ANAPC10: variants seen among roughly 807,000 people sequenced by gnomAD.
ANAPC10 encodes the protein anaphase promoting complex subunit 10.
In ANAPC10, 12 loss-of-function variants were observed where a neutral mutation model predicts 22.0. That is an observed-to-expected ratio of 0.55 (90% CI 0.35 to 0.88). The LOEUF (loss-of-function observed/expected upper bound fraction) is 0.88. Among genes scored for constraint, ANAPC10 ranks in the 40% least tolerant of loss-of-function variants. The pLI is 0.01. For synonymous variants in ANAPC10, 65 were observed against 69.5 expected (o/e 0.94, Z 0.32); for missense variants, 188 against 220.9 (o/e 0.85, Z 0.94).
At chr4:145,007,590 C>T (rs535875725) in intron 4 of ANAPC10, among the ~76,000 whole-genome samples, 3 of 151,952 alleles carry the variant, frequency 2.0e-5, no homozygotes, top group African/African-American at 7.3e-5. Context: ...GGGTACATAA[C>T]GAAATGAAAG....
At chr4:145,079,052 A>G (rs907516900) in intron 3 of ANAPC10, among the ~76,000 whole-genome samples, 1 of 152,220 alleles carries the variant, frequency 6.6e-6, no homozygotes, top group African/African-American at 2.4e-5. Context: ...ATTAAACCAA[A>G]GAGCTTCAGC....
intron 4 of ANAPC10, among the ~76,000 whole-genome samples, chr4:145,015,842 C>G (rs967209831): frequency 5.9e-5 from 9 of 152,196 alleles, no homozygotes; most frequent in Non-Finnish European, 1.2e-4. Flanking sequence ...AACTAAGCAT[C>G]AAATATGAAG....
chr4:145,089,819 G>A lies in ANAPC10; in HGVS notation c.115+6166C>T, dbSNP rs148212153. On this transcript the variant is annotated intron_variant, in intron 2 of 4. Transcript: ENST00000507656. ...TATCACTTCCTATCTGATTTATCGC[G>A]TCTCCTGATTTCCTTTTTATTTCTA... Among the ~76,000 whole-genome samples the A allele has an allele frequency of 6.1e-3, 927 of 152,070 alleles. 10 individuals are homozygous for A. Among genetic ancestry groups the A allele is most frequent in the African/African-American group, 0.022 (894 of 41,490 alleles).
At chr4:145,008,616 G>A (rs777639824) in intron 4 of ANAPC10, among the ~76,000 whole-genome samples, 12 of 152,092 alleles carry the variant, frequency 7.9e-5, no homozygotes, top group Non-Finnish European at 1.8e-4. Flanking sequence ...TGCAGAAAAG[G>A]CCTTTGACAA....
chr4:145,039,929 G>A (rs1406634717), intron 4 of ANAPC10, among the ~76,000 whole-genome samples: 5 of 151,946 alleles, frequency 3.3e-5, no homozygotes, highest in Admixed American at 6.6e-5. Context: ...TTAGATACTA[G>A]AAATCTGAGG....
intron 2 of ANAPC10, among the ~76,000 whole-genome samples, chr4:145,082,155 TTA>T (rs751562278): frequency 2.0e-5 from 3 of 152,174 alleles, no homozygotes; most frequent in Admixed American, 6.5e-5. Context: ...CTAGGAGATA[TTA>T]TATTTTTTTG....
intron 2 of ANAPC10, among the ~76,000 whole-genome samples, chr4:145,086,242 C>T (rs995035161): frequency 6.6e-6 from 1 of 152,176 alleles, no homozygotes. Flanking sequence ...AGATTACTGG[C>T]ATGAGCCACC....
chr4:145,070,901 ATAT>A (rs1434934779), intron 3 of ANAPC10, among the ~76,000 whole-genome samples: 5 of 152,252 alleles, frequency 3.3e-5, no homozygotes, highest in South Asian at 2.1e-4. Context: ...CAAAGGACAA[ATAT>A]TATATAATTC....
At chr4:145,095,468 T>C (rs554288685) in intron 2 of ANAPC10, among the ~76,000 whole-genome samples, 30 of 152,326 alleles carry the variant, frequency 2.0e-4, no homozygotes, top group Non-Finnish European at 4.1e-4. Flanking sequence ...ATCAACATCA[T>C]CTGCTCCTGA....
chr4:145,053,384 G>A (rs1410736782), intron 4 of ANAPC10, among the ~76,000 whole-genome samples: 1 of 152,120 alleles, frequency 6.6e-6, no homozygotes, highest in Non-Finnish European at 1.5e-5. Context: ...CTTTTCTCAT[G>A]GTAAGTGCTT....
chr4:145,009,952 CAAAGAACTT>C (rs1734026349), intron 4 of ANAPC10, among the ~76,000 whole-genome samples: 1 of 152,060 alleles, frequency 6.6e-6, no homozygotes, highest in African/African-American at 2.4e-5. Context: ...CCAGAATCTA[CAAAGAACTT>C]AAACAAATTT....
intron 4 of ANAPC10, among the ~76,000 whole-genome samples, chr4:145,004,205 G>A (rs778478473): frequency 6.6e-5 from 10 of 152,068 alleles, no homozygotes; most frequent in Non-Finnish European, 1.3e-4. Context: ...CTGAAACTTT[G>A]TTGAAGTCAT....
chr4:145,071,301 G>C (rs762840074), intron 3 of ANAPC10, among the ~76,000 whole-genome samples: 1 of 152,196 alleles, frequency 6.6e-6, no homozygotes, highest in African/African-American at 2.4e-5. Context: ...AGCTACTTGG[G>C]AGGCTGAGGC....
chr4:145,076,581 T>G (rs776467941), intron 3 of ANAPC10, among the ~76,000 whole-genome samples: 3 of 152,216 alleles, frequency 2.0e-5, no homozygotes, highest in Non-Finnish European at 4.4e-5. Flanking sequence ...TGCCCAGCAA[T>G]GGTTCTTAAC....
intron 2 of ANAPC10, among the ~76,000 whole-genome samples, chr4:145,084,722 AC>A (rs1251456960): frequency 6.6e-6 from 1 of 152,202 alleles, no homozygotes; most frequent in Non-Finnish European, 1.5e-5. Context: ...ACTGTCCAAT[AC>A]GGTAGCCACT....
chr4:145,093,442 T>TA (rs925790695), intron 2 of ANAPC10, among the ~76,000 whole-genome samples: 65 of 134,512 alleles, frequency 4.8e-4, no homozygotes, highest in Admixed American at 6.7e-4. Context: ...TGGCACTCAA[T>TA]AAAAAAAAAA....
At chr4:145,061,404 C>T (rs1418648783) in intron 4 of ANAPC10, among the ~76,000 whole-genome samples, 1 of 152,064 alleles carries the variant, frequency 6.6e-6, no homozygotes, top group African/African-American at 2.4e-5. Context: ...ATGTACACTT[C>T]CCAAAAATGC....
At position 145,064,571 on chromosome 4, in the gene ANAPC10, C is replaced by T; in HGVS notation, c.327+1G>A. 6.3e-7 allele frequency: 1 copy of T among 1,599,704 alleles called. No individual in the cohort carries two copies. The highest frequency in any genetic ancestry group is 1.3e-5 in the African/African-American group (1 of 74,580). ...TATTTTTAAAAATTTGAAAGACATA[C>T]CCGAATTTCTTGAAGGTTGTGAAAA... On this transcript the variant is annotated splice_donor_variant, in intron 4 of 4. Transcript: ENST00000507656. LOFTEE classifies it high-confidence loss of function.
intron 4 of ANAPC10, among the ~76,000 whole-genome samples, chr4:144,996,186 C>T (rs779760571): frequency 1.2e-4 from 18 of 150,742 alleles, no homozygotes; most frequent in Non-Finnish European, 3.0e-5. Context: ...GGAGATATCC[C>T]CACGGCTCTA....
Sources: allele counts gnomAD v4.1 joint callset (sites outside exome capture counted in the v4.1 genomes callset), GRCh38; gene constraint gnomAD v4.1.1; transcripts MANE v1.5; gene names NCBI Gene and HGNC (gene_info 2026-07-23, HGNC 2026-07-21).